Variants in PXDNL observed in about 807,000 individuals in gnomAD.
PXDNL encodes the protein peroxidasin like, also known as probable oxidoreductase PXDNL.
In PXDNL, 145 loss-of-function variants were observed where a neutral mutation model predicts 150.8. The observed-to-expected ratio is 0.96, with a 90% CI of 0.84 to 1.10. PXDNL has a LOEUF of 1.10. PXDNL is among the 50% of genes least tolerant of loss of function. The pLI, the probability that PXDNL is intolerant of heterozygous loss-of-function variation, is 0.00. For missense variants in PXDNL, 2,087 were observed against 1,873.9 expected, an observed-to-expected ratio of 1.11 and a Z score of -2.10; for synonymous variants, 757 against 725.7, an observed-to-expected ratio of 1.04 and a Z score of -0.69.
Position 51,319,889 on chromosome 8 carries a change from T to C in PXDNL, c.*2A>G, listed in dbSNP as rs759933244. ...TTGGGGCTCAACAGCACAAAACTTTTATTAGCGCTTCTCTGGGGAATCACT... is the reference window on the plus strand; with the variant it reads ...TTGGGGCTCAACAGCACAAAACTTTCATTAGCGCTTCTCTGGGGAATCACT... On this transcript the variant is annotated 3_prime_UTR_variant, in exon 23 of 23. Coordinates refer to ENST00000356297, the MANE Select transcript of PXDNL (RefSeq NM_144651.5). 33 of 1,513,538 alleles carry C rather than the reference T, an allele frequency of 2.2e-5. No individual in the cohort carries two copies. The highest frequency in any genetic ancestry group is 2.7e-5 in the Non-Finnish European group (31 of 1,132,266). The allele number at this position is 1,513,538 out of a possible 1,614,324, so 93.8% of individuals were successfully genotyped here.
In PXDNL at chr8:51,646,670, G is replaced by T. The variant is rs115467573; in HGVS notation, c.236+8019C>A. Among the ~76,000 whole-genome samples, 1,102 of 152,290 alleles carry T rather than the reference G, an allele frequency of 7.2e-3. 11 individuals are homozygous for T. The highest frequency in any genetic ancestry group is 0.025 in the African/African-American group (1,053 of 41,546). ...ATGAGAAATGACAACACTTCTAGGA[G>T]CCTTGCTCCTAAGGGGAGCAGGAAA... is the stretch of plus-strand genomic sequence containing the variant. On this transcript the variant is annotated intron_variant, in intron 2 of 22. Coordinates refer to ENST00000356297, the MANE Select transcript of PXDNL (RefSeq NM_144651.5).
At chr8:51,556,477 A>C (rs1232089366) in intron 4 of PXDNL, among the ~76,000 whole-genome samples, 1 of 152,202 alleles carries the variant, frequency 6.6e-6, no homozygotes, top group Admixed American at 6.6e-5. Context: ...TTTTAAGTCA[A>C]GTAATAAACA....
At chr8:51,757,062 G>C (rs1485351706) in intron 1 of PXDNL, among the ~76,000 whole-genome samples, 1 of 151,830 alleles carries the variant, frequency 6.6e-6, no homozygotes, top group African/African-American at 2.4e-5. Context: ...CATTGTATCA[G>C]GTATACTTTT....
At chr8:51,559,249 A>G (rs1477337865) in intron 3 of PXDNL, among the ~76,000 whole-genome samples, 1 of 150,944 alleles carries the variant, frequency 6.6e-6, no homozygotes, top group African/African-American at 2.4e-5. Flanking sequence ...CAAAACAGCT[A>G]TGAGGAAGGG....
At chr8:51,635,084 GC>G (rs1401839364) in intron 2 of PXDNL, among the ~76,000 whole-genome samples, 4 of 152,064 alleles carry the variant, frequency 2.6e-5, no homozygotes, top group Admixed American at 1.3e-4. Context: ...TCCAGCTTTT[GC>G]CCATCCAGTA....
At chr8:51,659,328 G>A (rs1013503104) in intron 1 of PXDNL, among the ~76,000 whole-genome samples, 4 of 152,190 alleles carry the variant, frequency 2.6e-5, no homozygotes, top group Non-Finnish European at 4.4e-5. Flanking sequence ...TTAGACAAGT[G>A]TGTCTGTCTG....
chr8:51,803,341 TC>T (rs1357250235), intron 1 of PXDNL, among the ~76,000 whole-genome samples: 1 of 152,088 alleles, frequency 6.6e-6, no homozygotes, highest in East Asian at 1.9e-4. Context: ...CTCACATCCT[TC>T]CTCTTCCCAC....
Position 51,344,373 on chromosome 8 carries a change from G to T in PXDNL, c.4016+1460C>A, listed in dbSNP as rs1806080966. Among the ~76,000 whole-genome samples the T allele has an allele frequency of 2.6e-5, 4 of 152,042 alleles. No homozygotes were observed. In the South Asian group the frequency reaches 8.3e-4, roughly 31 times the overall value. On this transcript the variant is annotated intron_variant, in intron 20 of 22. Coordinates refer to ENST00000356297, the MANE Select transcript of PXDNL (RefSeq NM_144651.5). ...GGCTTCAGGTGATGCTCCCACCTCA[G>T]CTTCCTGAATATTTGGGACCAACTC...
intron 21 of PXDNL, among the ~76,000 whole-genome samples, chr8:51,326,829 C>A (rs973579279): frequency 6.6e-6 from 1 of 152,028 alleles, no homozygotes; most frequent in South Asian, 2.1e-4. Flanking sequence ...GAGGTCCTAA[C>A]CCTCTGTACC....
chr8:51,447,190 T>C, intron 11 of PXDNL, 28 bp from the exon 12 acceptor site: 1 of 1,609,792 alleles, frequency 6.2e-7, no homozygotes, highest in Non-Finnish European at 8.5e-7. Flanking sequence ...GAAAGTATTC[T>C]TCATGGCCCA....
At chr8:51,464,082 G>T (rs895945314) in intron 8 of PXDNL, among the ~76,000 whole-genome samples, 3 of 151,734 alleles carry the variant, frequency 2.0e-5, no homozygotes, top group African/African-American at 7.3e-5. Flanking sequence ...AAATATAACT[G>T]ACTGGGCACA....
At chr8:51,520,635 G>A (rs1223427488) in intron 4 of PXDNL, among the ~76,000 whole-genome samples, 2 of 152,062 alleles carry the variant, frequency 1.3e-5, no homozygotes, top group African/African-American at 4.8e-5. Context: ...GGCCAAACCC[G>A]AAAGGGGAGG....
chr8:51,683,525 A>T (rs1168487060), intron 1 of PXDNL, among the ~76,000 whole-genome samples: 1 of 152,068 alleles, frequency 6.6e-6, no homozygotes, highest in Non-Finnish European at 1.5e-5. Context: ...AGAAGCAGAC[A>T]TAAAGTCTCA....
At chr8:51,538,622 G>A (rs560826042) in intron 4 of PXDNL, among the ~76,000 whole-genome samples, 1 of 152,058 alleles carries the variant, frequency 6.6e-6, no homozygotes, top group African/African-American at 2.4e-5. Flanking sequence ...AAAAAATTAG[G>A]CGAGTCTGGT....
chr8:51,391,884 A>G (rs1807922409), intron 17 of PXDNL, among the ~76,000 whole-genome samples: 1 of 152,186 alleles, frequency 6.6e-6, no homozygotes, highest in Non-Finnish European at 1.5e-5. Context: ...CTAATGTTTA[A>G]GTCTTTAATC....
At chr8:51,414,879 T>C (rs1371027249) in intron 14 of PXDNL, among the ~76,000 whole-genome samples, 1 of 152,178 alleles carries the variant, frequency 6.6e-6, no homozygotes, top group African/African-American at 2.4e-5. Context: ...AAATCACTTG[T>C]AACCTCAGAA....
chr8:51,548,133 TGACAAA>T (rs1812403321), intron 4 of PXDNL, among the ~76,000 whole-genome samples: 2 of 147,936 alleles, frequency 1.4e-5, no homozygotes, highest in Non-Finnish European at 1.5e-5. Context: ...TAACCCAACC[TGACAAA>T]GACAAAGAAA....
Position 51,802,079 on chromosome 8 carries a change from G to A in PXDNL, c.164+7102C>T, listed in dbSNP as rs558104488. 2.0e-5 allele frequency among the ~76,000 whole-genome samples: 3 copies of A among 151,944 alleles called. No homozygotes were observed. The East Asian group carries it at 5.8e-4, about 29-fold the overall frequency. On this transcript the variant is annotated intron_variant, in intron 1 of 22. Transcript: ENST00000356297. ...CCATTAGCACTCTGTAGCATTTGTG[G>A]TTAAATGAGGGCTTTTAGTTCTGAT...
intron 8 of PXDNL, among the ~76,000 whole-genome samples, chr8:51,462,624 A>G (rs35893523): frequency 0.17 from 25,680 of 152,190 alleles, 2,308 homozygotes; most frequent in African/African-American, 0.2. Flanking sequence ...AAGAAGGAAT[A>G]AAATCTCTGA....
Sources: gnomAD v4.1 joint callset for allele counts (sites outside exome capture counted in the v4.1 genomes callset) on GRCh38, gnomAD v4.1.1 for gene constraint, MANE v1.5 for transcripts, NCBI Gene and HGNC (gene_info 2026-07-23, HGNC 2026-07-21) for gene names.